The following TJP1 variants were observed in gnomAD, a reference collection of about 807,000 sequenced individuals.
The protein encoded by TJP1 is tight junction protein ZO-1.
In TJP1, 43 loss-of-function variants were observed where a neutral mutation model predicts 194.2. That is an observed-to-expected ratio of 0.22 (90% CI 0.17 to 0.29). The LOEUF is 0.29. Among genes scored for constraint, TJP1 ranks in the 10% least tolerant of loss-of-function variants. TJP1 has a pLI of 1.00. For synonymous variants in TJP1, 801 were observed against 779.0 expected, an observed-to-expected ratio of 1.03 and a Z score of -0.47; for missense variants, 1,971 against 2,185.7, an observed-to-expected ratio of 0.90 and a Z score of 1.96.
intron 2 of TJP1, among the ~76,000 whole-genome samples, chr15:29,905,901 C>A (rs1202475377): frequency 6.6e-6 from 1 of 152,112 alleles, no homozygotes; most frequent in African/African-American, 2.4e-5. Context: ...GTTTCTAGGG[C>A]AGTGAAACTA....
At chr15:29,730,442 A>C (rs1258598707) in intron 15 of TJP1, among the ~76,000 whole-genome samples, 1 of 151,524 alleles carries the variant, frequency 6.6e-6, no homozygotes, top group African/African-American at 2.4e-5. Flanking sequence ...TAATAATAAT[A>C]ATAAACTAGC....
intron 1 of TJP1, among the ~76,000 whole-genome samples, chr15:29,956,761 T>C (rs554217830): frequency 1.2e-4 from 18 of 152,232 alleles, no homozygotes; most frequent in African/African-American, 4.3e-4. Context: ...TGGTGGTGCA[T>C]GTCTGTGGTC....
intron 2 of TJP1, among the ~76,000 whole-genome samples, chr15:29,949,131 C>T (rs565830662): frequency 2.0e-5 from 3 of 149,950 alleles, no homozygotes; most frequent in South Asian, 2.2e-4. Context: ...ACCACCACCT[C>T]CACCTCCACC....
At chr15:29,917,106 A>G (rs1208630454) in intron 2 of TJP1, among the ~76,000 whole-genome samples, 2 of 152,208 alleles carry the variant, frequency 1.3e-5, no homozygotes, top group African/African-American at 2.4e-5. Context: ...GTCTCGTCCT[A>G]TCAGGACACA....
At chr15:29,805,004 C>G (rs563265274) in intron 1 of TJP1, among the ~76,000 whole-genome samples, 76 of 152,288 alleles carry the variant, frequency 5.0e-4, no homozygotes, top group Middle Eastern at 3.4e-3. Context: ...AATGAAAAGA[C>G]TTTTCTAGCT....
chr15:29,828,826 C>T (rs1355003048), intron 2 of TJP1, among the ~76,000 whole-genome samples: 2 of 151,480 alleles, frequency 1.3e-5, no homozygotes, highest in Non-Finnish European at 1.5e-5. Flanking sequence ...CTCCACTTCA[C>T]GGGTTCAAGA....
Position 29,822,331 on chromosome 15 carries a change from G to T in TJP1, c.-303C>A. 2 of 1,078,166 alleles carry T rather than the reference G, an allele frequency of 1.9e-6. No homozygotes were observed. The highest frequency in any genetic ancestry group is 2.2e-6 in the Non-Finnish European group (2 of 889,446). 66.8% of individuals were successfully genotyped at this position (1,078,166 alleles called of 1,614,324 possible). A position where few individuals can be genotyped will look rare whatever the true frequency, so the allele number is the denominator to read the frequency against. ...CCGGCCACGTCGGCCTCGCCCGGTC[G>T]CCCGCCCGTCAGCAGCACCCGTGGC... On this transcript the variant is annotated 5_prime_UTR_variant, in exon 1 of 28. Transcript: ENST00000614355.
intron 2 of TJP1, among the ~76,000 whole-genome samples, chr15:29,861,691 T>C (rs989234913): frequency 6.6e-6 from 1 of 152,202 alleles, no homozygotes; most frequent in Non-Finnish European, 1.5e-5. Context: ...TATTAGACCC[T>C]TTTCAGATAT....
intron 2 of TJP1, among the ~76,000 whole-genome samples, chr15:29,899,256 C>A (rs916467191): frequency 6.6e-6 from 1 of 152,168 alleles, no homozygotes; most frequent in African/African-American, 2.4e-5. Context: ...AAGAAATAAT[C>A]GTCTCTTCTG....
intron 10 of TJP1, 34 bp from the exon 11 acceptor site, chr15:29,737,448 A>G: frequency 6.2e-7 from 1 of 1,612,842 alleles, no homozygotes; most frequent in Non-Finnish European, 8.5e-7. Context: ...GAAACAGTTA[A>G]GAAGAGCTTA....
intron 1 of TJP1, among the ~76,000 whole-genome samples, chr15:29,967,136 C>G (rs2056361729): frequency 6.6e-6 from 1 of 151,950 alleles, no homozygotes; most frequent in Admixed American, 6.5e-5. Flanking sequence ...GCCTCAGCCT[C>G]CCAAGTAGCT....
At chr15:29,831,981 C>T (rs763738868) in intron 2 of TJP1, among the ~76,000 whole-genome samples, 2 of 152,066 alleles carry the variant, frequency 1.3e-5, no homozygotes, top group Non-Finnish European at 2.9e-5. Flanking sequence ...CTTTATCACG[C>T]AAATCAACAA....
At chr15:29,717,711 A>G (rs1380438137) in intron 22 of TJP1, among the ~76,000 whole-genome samples, 1 of 152,220 alleles carries the variant, frequency 6.6e-6, no homozygotes, top group African/African-American at 2.4e-5. Context: ...ACATGTCGAA[A>G]AGCACTTTTA....
chr15:29,950,173 T>C (rs369664501), intron 2 of TJP1, among the ~76,000 whole-genome samples: 868 of 16,604 alleles, frequency 0.052, 61 homozygotes, highest in Non-Finnish European at 0.077. Context: ...CCACAACCAC[T>C]ACCTCCACCT....
chr15:29,949,229 AC>A (rs2055418702), intron 2 of TJP1, among the ~76,000 whole-genome samples: 1 of 100,872 alleles, frequency 9.9e-6, no homozygotes, highest in African/African-American at 5.3e-5. Context: ...CACTTTCACC[AC>A]CACTACCTCC....
chr15:29,733,366 G>GA (rs2151266229), intron 12 of TJP1, 53 bp from the exon 13 acceptor site: 5 of 1,225,672 alleles, frequency 4.1e-6, no homozygotes, highest in Non-Finnish European at 3.5e-6. Flanking sequence ...ATAACAATCT[G>GA]AAAGACAGTA....
At chr15:29,914,193 C>T (rs2054110304) in intron 2 of TJP1, among the ~76,000 whole-genome samples, 1 of 152,212 alleles carries the variant, frequency 6.6e-6, no homozygotes, top group South Asian at 2.1e-4. Context: ...ATTCGACTCA[C>T]TAGCATGGAT....
intron 1 of TJP1, among the ~76,000 whole-genome samples, chr15:29,803,265 C>T (rs886298551): frequency 9.2e-5 from 14 of 152,152 alleles, no homozygotes; most frequent in African/African-American, 2.9e-4. Flanking sequence ...CGAATACAGA[C>T]AGTCCCTGAC....
At chr15:29,866,305 T>G (rs9302328) in intron 2 of TJP1, among the ~76,000 whole-genome samples, 25,888 of 152,232 alleles carry the variant, frequency 0.17, 2,730 homozygotes, top group South Asian at 0.23. Context: ...AAATTTAGCA[T>G]TAGCTTAAGT....
Sources: allele counts gnomAD v4.1 joint callset (sites outside exome capture counted in the v4.1 genomes callset), GRCh38; gene constraint gnomAD v4.1.1; transcripts MANE v1.5; gene names NCBI Gene and HGNC (gene_info 2026-07-23, HGNC 2026-07-21).